Variants in RBFOX1 observed in about 807,000 individuals in gnomAD.
RBFOX1 encodes the protein RNA binding fox-1 homolog 1, also known as RNA binding protein fox-1 homolog 1.
RBFOX1 carries 8 observed loss-of-function variants against 57.7 expected under a neutral mutation model. That is an observed-to-expected ratio of 0.14 (90% confidence interval 0.08 to 0.25). RBFOX1 has a LOEUF of 0.25. Among genes scored for constraint, RBFOX1 ranks in the 10% least tolerant of loss-of-function variants. The probability of loss-of-function intolerance (pLI) is 1.00; values close to 1 mark genes in which losing one functional copy is unlikely to be tolerated. For missense variants in RBFOX1, 611 were observed against 548.5 expected (o/e 1.11, Z -1.14); for synonymous variants, 326 against 222.4 (o/e 1.47, Z -4.15).
intron 2 of RBFOX1, among the ~76,000 whole-genome samples, chr16:5,572,479 G>C (rs2046315175): frequency 6.6e-6 from 1 of 152,144 alleles, no homozygotes. Context: ...AAGGATGCTT[G>C]ACAGCATCCT....
At chr16:6,691,845 C>T (rs533922947) in intron 3 of RBFOX1, among the ~76,000 whole-genome samples, 122 of 152,312 alleles carry the variant, frequency 8.0e-4, no homozygotes, top group African/African-American at 2.7e-3. Flanking sequence ...AGCACTTTTC[C>T]TTGCTCTGGT....
At chr16:7,142,827 A>G (rs1029421446) in intron 4 of RBFOX1, among the ~76,000 whole-genome samples, 3 of 152,202 alleles carry the variant, frequency 2.0e-5, no homozygotes, top group African/African-American at 7.2e-5. Context: ...AATGAAAGAT[A>G]GAAAGAAAAT....
At chr16:6,825,810 C>A (rs139312297) in intron 3 of RBFOX1, among the ~76,000 whole-genome samples, 1 of 152,120 alleles carries the variant, frequency 6.6e-6, no homozygotes, top group Non-Finnish European at 1.5e-5. Context: ...ACAGAGGCAG[C>A]GATCCTGCAC....
At chr16:5,601,643 T>C (rs560270171), downstream of RBFOX1, 2 of 152,310 alleles carry the variant, frequency 1.3e-5, no homozygotes, top group African/African-American at 4.8e-5. Flanking sequence ...CCACCCAGGA[T>C]GCTTGTAATG....
intron 3 of RBFOX1, among the ~76,000 whole-genome samples, chr16:7,012,058 A>G (rs1455573472): frequency 6.6e-6 from 1 of 152,192 alleles, no homozygotes. Flanking sequence ...CTCCAAAATA[A>G]TAAGTGGACT....
At chr16:7,488,036 C>A (rs527752486) in intron 4 of RBFOX1, among the ~76,000 whole-genome samples, 1 of 152,030 alleles carries the variant, frequency 6.6e-6, no homozygotes, top group Admixed American at 6.6e-5. Flanking sequence ...GGGGGCACCT[C>A]GGCGGAAGTA....
chr16:6,767,914 CAATAATAATAATAAT>C lies in RBFOX1; in HGVS notation c.-16+113285_-16+113299del, dbSNP rs71408408. Among the ~76,000 whole-genome samples the C allele has an allele frequency of 1.9e-3, 227 of 118,040 alleles. 2 individuals are homozygous for C. Among genetic ancestry groups the C allele is most frequent in the East Asian group, 0.015 (65 of 4,206 alleles). The allele number at this position is 118,040 out of a possible 152,430, so 77.4% of individuals were successfully genotyped here. A position where few individuals can be genotyped will look rare whatever the true frequency, so the allele number is the denominator to read the frequency against. Reference sequence around the variant, plus strand: ...GGGCAACAGAGTAAGGACTCTATCTCAATAATAATAATAATAATAATAATAATAATAATAAGAAGA... The same window carrying C: ...GGGCAACAGAGTAAGGACTCTATCTCAATAATAATAATAATAATAAGAAGA... On this transcript the variant is annotated intron_variant, in intron 3 of 15. Coordinates refer to ENST00000550418, the MANE Select transcript of RBFOX1 (RefSeq NM_018723.4).
chr16:6,895,434 G>GTA lies in RBFOX1; in HGVS notation c.-15-156622_-15-156621insAT, dbSNP rs1351412911. Among the ~76,000 whole-genome samples, 224 of 91,620 alleles carry GTA rather than the reference G, an allele frequency of 2.4e-3. 5 individuals carry two copies. The highest frequency in any genetic ancestry group is 0.011 in the Middle Eastern group (2 of 176). The allele number at this position is 91,620 out of a possible 152,430, so 60.1% of individuals were successfully genotyped here. ...TAGTAATATATGTGTGTGTGTGTGT[G>GTA]TGTGTGTGTGTGTGTATATATATAT... is the stretch of plus-strand genomic sequence containing the variant. On this transcript the variant is annotated intron_variant, in intron 3 of 15. Transcript: ENST00000550418.
chr16:6,330,359 C>T (rs2082867376), intron 2 of RBFOX1, among the ~76,000 whole-genome samples: 1 of 152,180 alleles, frequency 6.6e-6, no homozygotes, highest in Non-Finnish European at 1.5e-5. Context: ...CACAAAGGCT[C>T]CCAAGAAGCC....
At chr16:5,497,527 C>T (rs770387178) in intron 2 of RBFOX1, among the ~76,000 whole-genome samples, 28 of 151,404 alleles carry the variant, frequency 1.8e-4, no homozygotes, top group Non-Finnish European at 3.7e-4. Flanking sequence ...CTAATCCCAG[C>T]ACTTTGGGAG....
intron 1 of RBFOX1, among the ~76,000 whole-genome samples, chr16:6,288,037 G>C (rs941986927): frequency 6.6e-6 from 1 of 152,130 alleles, no homozygotes; most frequent in Non-Finnish European, 1.5e-5. Context: ...TAAGGCACCT[G>C]GAACTCTGCT....
chr16:6,835,082 G>C (rs1029687102), intron 3 of RBFOX1, among the ~76,000 whole-genome samples: 6 of 151,940 alleles, frequency 3.9e-5, no homozygotes, highest in Non-Finnish European at 7.4e-5. Context: ...TTTTAGTAGA[G>C]ACGGGTTAGC....
chr16:7,058,870 A>G (rs1023093280), intron 4 of RBFOX1, among the ~76,000 whole-genome samples: 6 of 152,196 alleles, frequency 3.9e-5, no homozygotes, highest in Non-Finnish European at 8.8e-5. Flanking sequence ...GATAAATATT[A>G]ACTTCATAAT....
At chr16:6,988,685 C>G (rs1168244723) in intron 3 of RBFOX1, among the ~76,000 whole-genome samples, 1 of 151,252 alleles carries the variant, frequency 6.6e-6, no homozygotes, top group Non-Finnish European at 1.5e-5. Flanking sequence ...CAGCCTTAGC[C>G]TCCTGAGCAG....
At chr16:5,922,262 A>G (rs1399575686) in intron 4 of RBFOX1, among the ~76,000 whole-genome samples, 1 of 152,220 alleles carries the variant, frequency 6.6e-6, no homozygotes, top group East Asian at 1.9e-4. Flanking sequence ...TGAGGGATCC[A>G]TCCCCATGAT....
chr16:5,553,175 T>G (rs2045530510), intron 2 of RBFOX1, among the ~76,000 whole-genome samples: 1 of 152,210 alleles, frequency 6.6e-6, no homozygotes, highest in Admixed American at 6.5e-5. Flanking sequence ...GACAAATACC[T>G]AATGTGAATG....
chr16:6,772,937 T>C (rs972065696), intron 3 of RBFOX1, among the ~76,000 whole-genome samples: 1 of 147,724 alleles, frequency 6.8e-6, no homozygotes, highest in Non-Finnish European at 1.5e-5. Context: ...TTTGTGTGTG[T>C]GTGTGTATCT....
At chr16:7,274,188 A>G (rs2098674342) in intron 4 of RBFOX1, among the ~76,000 whole-genome samples, 1 of 152,238 alleles carries the variant, frequency 6.6e-6, no homozygotes, top group Non-Finnish European at 1.5e-5. Context: ...CAGTCACAGC[A>G]TCAACAAATT....
At chr16:6,631,677 AGAAAAC>A (rs2098386777) in intron 2 of RBFOX1, among the ~76,000 whole-genome samples, 1 of 152,202 alleles carries the variant, frequency 6.6e-6, no homozygotes, top group African/African-American at 2.4e-5. Flanking sequence ...CGTGCAATAA[AGAAAAC>A]AGAACAGAGA....
Sources: allele counts gnomAD v4.1 joint callset (sites outside exome capture counted in the v4.1 genomes callset), GRCh38; gene constraint gnomAD v4.1.1; transcripts MANE v1.5; gene names NCBI Gene and HGNC (gene_info 2026-07-23, HGNC 2026-07-21).